The following PKHD1 variants were observed in gnomAD, a reference collection of about 807,000 sequenced individuals.
PKHD1 encodes the protein PKHD1 ciliary IPT domain containing fibrocystin/polyductin.
In PKHD1, 291 loss-of-function variants were observed where a neutral mutation model predicts 412.0. The observed-to-expected ratio is 0.71, with a 90% CI of 0.64 to 0.78. PKHD1 has a LOEUF of 0.78. Ranked by LOEUF, PKHD1 falls within the 30% of genes least tolerant of loss-of-function variation. The probability of loss-of-function intolerance (pLI) is 0.00; values close to 1 mark genes in which losing one functional copy is unlikely to be tolerated. For synonymous variants in PKHD1, 1,777 were observed against 1,821.5 expected, an observed-to-expected ratio of 0.98 and a Z score of 0.62; for missense variants, 4,825 against 4,950.7, an observed-to-expected ratio of 0.97 and a Z score of 0.76.
intron 35 of PKHD1, among the ~76,000 whole-genome samples, chr6:51,986,290 A>G (rs1170109253): frequency 6.6e-6 from 1 of 152,228 alleles, no homozygotes; most frequent in Non-Finnish European, 1.5e-5. Context: ...ATTTATCACA[A>G]TATCCACACA....
intron 60 of PKHD1, among the ~76,000 whole-genome samples, chr6:51,667,520 C>A (rs1299464059): frequency 8.6e-5 from 13 of 151,294 alleles, no homozygotes; most frequent in African/African-American, 2.2e-4. Flanking sequence ...ATGGTAGTTT[C>A]TTTTGCTGTG....
At chr6:51,870,708 T>C (rs1239783984) in intron 46 of PKHD1, 69 bp from the exon 47 acceptor site, 3 of 1,208,486 alleles carry the variant, frequency 2.5e-6, no homozygotes, top group Admixed American at 1.8e-5. Flanking sequence ...CAATTCATAA[T>C]GCATGAATAA....
chr6:51,992,913 T>G (rs1431948901), intron 35 of PKHD1, among the ~76,000 whole-genome samples: 1 of 152,216 alleles, frequency 6.6e-6, no homozygotes, highest in African/African-American at 2.4e-5. Flanking sequence ...GTTCAAACCT[T>G]CAGTCCCTGC....
Sources: allele counts gnomAD v4.1 joint callset (sites outside exome capture counted in the v4.1 genomes callset), GRCh38; gene constraint gnomAD v4.1.1; transcripts MANE v1.5; gene names NCBI Gene and HGNC (gene_info 2026-07-23, HGNC 2026-07-21).